The following CEP89 variants were observed in gnomAD, a reference collection of about 807,000 sequenced individuals.
The protein encoded by CEP89 is centrosomal protein 89, also known as centrosomal protein of 89 kDa.
A neutral mutation model predicts 97.6 loss-of-function variants in CEP89; 95 were observed. The observed-to-expected ratio is 0.97, with a 90% CI of 0.82 to 1.15. The LOEUF is 1.15. Among genes scored for constraint, CEP89 ranks in the 50% most tolerant of loss-of-function variants. The probability of loss-of-function intolerance (pLI) is 0.00; values close to 1 mark genes in which losing one functional copy is unlikely to be tolerated. For synonymous variants in CEP89, 354 were observed against 349.1 expected, an observed-to-expected ratio of 1.01 and a Z score of -0.16; for missense variants, 869 against 947.7, an observed-to-expected ratio of 0.92 and a Z score of 1.09.
At chr19:32,954,814 G>A (rs867347224) in intron 3 of CEP89, among the ~76,000 whole-genome samples, 4 of 122,146 alleles carry the variant, frequency 3.3e-5, no homozygotes, top group Non-Finnish European at 6.0e-5. Context: ...ACAGGCACTC[G>A]CCACCACACC....
chr19:32,960,801 C>G (rs993156590), intron 2 of CEP89, among the ~76,000 whole-genome samples: 3 of 131,492 alleles, frequency 2.3e-5, no homozygotes, highest in Admixed American at 7.5e-5. Flanking sequence ...CAGAGCAAGT[C>G]TCCATCTCAA....
intron 2 of CEP89, among the ~76,000 whole-genome samples, chr19:32,961,888 C>T (rs1013918306): frequency 2.6e-5 from 4 of 152,094 alleles, no homozygotes; most frequent in African/African-American, 9.7e-5. Context: ...AAGTAATCCT[C>T]CTGCCTCAGT....
Position 32,971,939 on chromosome 19 carries a change from A to T in CEP89, c.-65T>A. The T allele has an allele frequency of 6.5e-7, 1 of 1,535,440 alleles. No individual in the cohort carries two copies. ...TCAGCAGATCTATCCACAGCCAGGG[A>T]CCACTCCCTAAAGCCCGCCGCAGGC... On this transcript the variant is annotated 5_prime_UTR_variant, in exon 1 of 19. Transcript: ENST00000305768.
At chr19:32,917,432 T>C (rs1970150792) in intron 13 of CEP89, among the ~76,000 whole-genome samples, 1 of 152,202 alleles carries the variant, frequency 6.6e-6, no homozygotes, top group Admixed American at 6.5e-5. Context: ...GGGCTGTTCA[T>C]GGACCTGCCA....
At position 32,953,715 on chromosome 19, in the gene CEP89, G is replaced by A. The variant is rs111238299; in HGVS notation, c.392C>T (p.Thr131Ile). 4.3e-6 allele frequency: 7 copies of A among 1,614,010 alleles called. No homozygotes were observed. The East Asian group carries it at 8.9e-5, about 21-fold the overall frequency. Residue 131 changes from threonine (T) to isoleucine (I), a missense_variant, in exon 4 of 19, where the codon ACT becomes ATT. Coordinates refer to ENST00000305768, the MANE Select transcript of CEP89 (RefSeq NM_032816.5). Reference sequence around the variant, plus strand: ...TTCCTTGCCGCTGGATGACAGCTGAGTTTCAATGTCCTCTTCGTCCCCATA... The same window carrying A: ...TTCCTTGCCGCTGGATGACAGCTGAATTTCAATGTCCTCTTCGTCCCCATA... ...LDYGDEEDIE[T>I]QLSSSGKELG...
intron 2 of CEP89, among the ~76,000 whole-genome samples, chr19:32,962,731 G>C (rs760186707): frequency 6.6e-6 from 1 of 152,154 alleles, no homozygotes; most frequent in African/African-American, 2.4e-5. Context: ...TTTGATAAAA[G>C]ACTTGTATTG....
At chr19:32,946,933 AT>A (rs11452132) in intron 5 of CEP89, among the ~76,000 whole-genome samples, 1 of 151,706 alleles carries the variant, frequency 6.6e-6, no homozygotes, top group African/African-American at 2.4e-5. Flanking sequence ...ATATTTATGT[AT>A]TTTTTTTACA....
intron 4 of CEP89, among the ~76,000 whole-genome samples, chr19:32,951,486 A>G (rs904879614): frequency 6.7e-6 from 1 of 150,312 alleles, no homozygotes; most frequent in Non-Finnish European, 1.5e-5. Context: ...ACTCTGTCTC[A>G]AAAGAAATAA....
intron 17 of CEP89, among the ~76,000 whole-genome samples, chr19:32,883,694 C>G (rs963381295): frequency 1.3e-5 from 2 of 152,096 alleles, no homozygotes; most frequent in Admixed American, 6.6e-5. Flanking sequence ...AAACAAAAAA[C>G]AAATGCCTAC....
At chr19:32,930,214 G>A (rs1970443561) in intron 9 of CEP89, among the ~76,000 whole-genome samples, 1 of 151,824 alleles carries the variant, frequency 6.6e-6, no homozygotes, top group Non-Finnish European at 1.5e-5. Context: ...TTTTAGCATA[G>A]ATGGGAATTC....
chr19:32,931,404 T>C (rs748057666), intron 9 of CEP89, 25 bp downstream of exon 9: 5 of 1,545,814 alleles, frequency 3.2e-6, no homozygotes, highest in South Asian at 1.2e-5. Flanking sequence ...TCTGAAAAGC[T>C]GATTTTCACA....
chr19:32,888,615 G>A (rs774030894), intron 16 of CEP89, among the ~76,000 whole-genome samples: 33 of 151,420 alleles, frequency 2.2e-4, no homozygotes, highest in Non-Finnish European at 4.1e-4. Flanking sequence ...CCCAGGAGGC[G>A]GAGGTTGCAG....
rs12980870 is a variant in CEP89 at position 32,916,750 on chromosome 19, C to A, written c.1385-1233G>T. On this transcript the variant is annotated intron_variant, in intron 13 of 18. Coordinates refer to ENST00000305768, the MANE Select transcript of CEP89 (RefSeq NM_032816.5). Reference sequence around the variant, plus strand: ...TGGTGGCTGGGCACAGTGGCTCACGCCTGTAATCCTAGCATTTTGGGAGGC... The same window carrying A: ...TGGTGGCTGGGCACAGTGGCTCACGACTGTAATCCTAGCATTTTGGGAGGC... Among the ~76,000 whole-genome samples, 4 of 152,104 alleles carry A rather than the reference C, an allele frequency of 2.6e-5. No individual in the cohort carries two copies. The East Asian group carries it at 7.7e-4, about 29-fold the overall frequency.
chr19:32,888,231 G>A (rs1301368871), intron 16 of CEP89, among the ~76,000 whole-genome samples: 1 of 152,138 alleles, frequency 6.6e-6, no homozygotes, highest in African/African-American at 2.4e-5. Context: ...TCAAAATTAA[G>A]GATAACATAA....
At chr19:32,964,405 CA>C (rs981635566) in intron 2 of CEP89, among the ~76,000 whole-genome samples, 13 of 152,306 alleles carry the variant, frequency 8.5e-5, no homozygotes, top group African/African-American at 3.1e-4. Flanking sequence ...CTACTAAGCT[CA>C]GGTGATCTGC....
intron 9 of CEP89, among the ~76,000 whole-genome samples, chr19:32,927,947 G>A (rs1366440328): frequency 8.1e-6 from 1 of 123,764 alleles, no homozygotes; most frequent in Non-Finnish European, 1.6e-5. Flanking sequence ...AGACAGTCTC[G>A]CTCTGTCGCA....
chr19:32,944,744 G>A (rs1481257003), intron 5 of CEP89, among the ~76,000 whole-genome samples: 1 of 152,204 alleles, frequency 6.6e-6, no homozygotes, highest in Non-Finnish European at 1.5e-5. Context: ...CATGAATTTG[G>A]CAGCTCTGAC....
At chr19:32,883,185 CAG>C (rs1402610111) in intron 17 of CEP89, among the ~76,000 whole-genome samples, 3 of 151,760 alleles carry the variant, frequency 2.0e-5, no homozygotes, top group Admixed American at 2.0e-4. Flanking sequence ...ATTATTGTCA[CAG>C]AGAGTCTGAC....
Position 32,881,905 on chromosome 19 carries a change from G to A in CEP89, c.2074C>T (p.His692Tyr). 1 of 1,606,234 alleles carries A rather than the reference G, an allele frequency of 6.2e-7. No homozygotes were observed. The highest frequency in any genetic ancestry group is 8.5e-7 in the Non-Finnish European group (1 of 1,178,476). Residue 692 changes from histidine to tyrosine, a missense_variant, in exon 18 of 19, where the codon CAC becomes TAC. Coordinates refer to ENST00000305768, the MANE Select transcript of CEP89 (RefSeq NM_032816.5). The stretch of plus-strand genomic sequence containing the variant: ...TTGTCCTTCAGCACCTGGTGCAGGT[G>A]CCGCATCTCCTGCCGGTACTGGGCT... Reference protein sequence around the residue: ...KTAQYRQEMRHLHQVLKDKQE... With the variant: ...KTAQYRQEMRYLHQVLKDKQE...
Sources: gnomAD v4.1 joint callset for allele counts (sites outside exome capture counted in the v4.1 genomes callset) on GRCh38, gnomAD v4.1.1 for gene constraint, MANE v1.5 for transcripts, NCBI Gene and HGNC (gene_info 2026-07-23, HGNC 2026-07-21) for gene names.